The following ADGRL3 variants were observed in gnomAD, a reference collection of about 807,000 sequenced individuals.
ADGRL3 encodes the protein adhesion G protein-coupled receptor L3.
ADGRL3 carries 62 observed loss-of-function variants against 153.5 expected under a neutral mutation model. The ratio of observed to expected loss-of-function variants is 0.40; its 90% CI spans 0.33 to 0.50. The LOEUF (loss-of-function observed/expected upper bound fraction) is 0.50. ADGRL3 is among the 20% of genes least tolerant of loss of function. The probability of loss-of-function intolerance (pLI) is 0.47; values close to 1 mark genes in which losing one functional copy is unlikely to be tolerated. For missense variants in ADGRL3, 1,641 were observed against 1,859.4 expected, an observed-to-expected ratio of 0.88 and a Z score of 2.16; for synonymous variants, 710 against 672.5, an observed-to-expected ratio of 1.06 and a Z score of -0.86.
intron 8 of ADGRL3, among the ~76,000 whole-genome samples, chr4:61,756,624 C>G (rs1336062983): frequency 6.6e-6 from 1 of 152,070 alleles, no homozygotes; most frequent in African/African-American, 2.4e-5. Context: ...TTTCTCTTGC[C>G]TGATTGCCCT....
At chr4:61,390,872 C>T (rs1560562737) in intron 2 of ADGRL3, among the ~76,000 whole-genome samples, 1 of 152,132 alleles carries the variant, frequency 6.6e-6, no homozygotes, top group African/African-American at 2.4e-5. Flanking sequence ...GTCTGTTCTC[C>T]ATTCCTATGT....
At chr4:61,865,276 CTCTAAA>C (rs2098389145) in intron 9 of ADGRL3, among the ~76,000 whole-genome samples, 1 of 151,468 alleles carries the variant, frequency 6.6e-6, no homozygotes, top group African/African-American at 2.4e-5. Context: ...TAAAAAAATT[CTCTAAA>C]TCTAAGTAGT....
At chr4:61,326,386 C>T (rs73825111) in intron 1 of ADGRL3, among the ~76,000 whole-genome samples, 8,300 of 151,970 alleles carry the variant, frequency 0.055, 526 homozygotes, top group African/African-American at 0.15. Context: ...AGTTTATAAT[C>T]GTAACTGTTC....
intron 4 of ADGRL3, among the ~76,000 whole-genome samples, chr4:61,531,337 A>G (rs578169172): frequency 6.6e-6 from 1 of 152,254 alleles, no homozygotes; most frequent in Non-Finnish European, 1.5e-5. Context: ...AACAGGCTAA[A>G]GTTCACATTT....
rs2099054315 is a variant in ADGRL3 at position 61,978,112 on chromosome 4, C to CA, written c.2806-1449dup. Among the ~76,000 whole-genome samples, 3 of 152,074 alleles carry CA rather than the reference C, an allele frequency of 2.0e-5. No homozygotes were observed. The South Asian group carries it at 6.2e-4, about 31-fold the overall frequency. Reference sequence around the variant, plus strand: ...TAGTGTGGAAGCCAACTAAATGTGGCAACTTCCATCCTAAAACAAAAGTCA... The same window carrying CA: ...TAGTGTGGAAGCCAACTAAATGTGGCAAACTTCCATCCTAAAACAAAAGTCA... On this transcript the variant is annotated intron_variant, in intron 17 of 26. Coordinates refer to ENST00000683033, the MANE Select transcript of ADGRL3 (RefSeq NM_001387552.1).
Position 61,304,540 on chromosome 4 carries a change from T to C in ADGRL3, c.-239-78584T>C, listed in dbSNP as rs559593287. Among the ~76,000 whole-genome samples, 6 of 152,314 alleles carry C rather than the reference T, an allele frequency of 3.9e-5. No individual in the cohort carries two copies. In the South Asian group the frequency reaches 1.2e-3, roughly 32 times the overall value. ...CCTTTAACTGTGTGTGGAGGTTTTC[T>C]AGCAAAAGTATCCCTGTCATGTTTT... On this transcript the variant is annotated intron_variant, in intron 1 of 26. Transcript: ENST00000683033.
chr4:61,619,725 A>T (rs1412157894), intron 5 of ADGRL3, among the ~76,000 whole-genome samples: 1 of 152,240 alleles, frequency 6.6e-6, no homozygotes, highest in East Asian at 1.9e-4. Context: ...TGCCATTCAC[A>T]GCAGAGCCAC....
At chr4:61,512,582 A>G (rs548132358) in intron 3 of ADGRL3, among the ~76,000 whole-genome samples, 31 of 152,274 alleles carry the variant, frequency 2.0e-4, no homozygotes, top group African/African-American at 6.0e-4. Context: ...TCAATTAGGG[A>G]AGACAGCAAT....
chr4:61,743,377 T>C (rs1297081564), intron 8 of ADGRL3, among the ~76,000 whole-genome samples: 1 of 143,354 alleles, frequency 7.0e-6, no homozygotes, highest in Non-Finnish European at 1.5e-5. Flanking sequence ...CCAAAAAACA[T>C]ACAGGAGTAA....
At chr4:61,510,566 T>C (rs1043283400) in intron 3 of ADGRL3, among the ~76,000 whole-genome samples, 2 of 152,258 alleles carry the variant, frequency 1.3e-5, no homozygotes, top group African/African-American at 4.8e-5. Flanking sequence ...GATCAGATGG[T>C]TGTATGTGTG....
intron 1 of ADGRL3, among the ~76,000 whole-genome samples, chr4:61,304,187 TTCA>T (rs1227550712): frequency 4.6e-5 from 7 of 152,232 alleles, no homozygotes; most frequent in African/African-American, 1.7e-4. Flanking sequence ...AGGTAAAGAC[TTCA>T]TTGTGTGGAT....
intron 9 of ADGRL3, among the ~76,000 whole-genome samples, chr4:61,832,071 C>G (rs1057286107): frequency 6.6e-6 from 1 of 152,004 alleles, no homozygotes; most frequent in Admixed American, 6.6e-5. Flanking sequence ...TTTCTGCCCT[C>G]TAATGTTCAC....
intron 5 of ADGRL3, among the ~76,000 whole-genome samples, chr4:61,601,399 A>G (rs551846177): frequency 3.9e-5 from 6 of 152,276 alleles, no homozygotes; most frequent in Non-Finnish European, 5.9e-5. Context: ...AAAATATGTC[A>G]TTTCCTAATC....
intron 8 of ADGRL3, among the ~76,000 whole-genome samples, chr4:61,784,351 G>T (rs373689270): frequency 6.6e-6 from 1 of 151,946 alleles, no homozygotes; most frequent in Admixed American, 6.6e-5. Context: ...ATACAATTCC[G>T]AAATGTGAGA....
intron 5 of ADGRL3, among the ~76,000 whole-genome samples, chr4:61,588,700 T>C (rs2149370758): frequency 6.6e-6 from 1 of 152,132 alleles, no homozygotes; most frequent in East Asian, 1.9e-4. Context: ...GTCTCTATTA[T>C]CGTTACGTAT....
chr4:61,270,079 A>G (rs967599676), intron 1 of ADGRL3, among the ~76,000 whole-genome samples: 2 of 151,756 alleles, frequency 1.3e-5, no homozygotes, highest in Non-Finnish European at 3.0e-5. Context: ...TTATTAATAG[A>G]CATACTGATT....
At chr4:61,745,070 A>G (rs1466594452) in intron 8 of ADGRL3, among the ~76,000 whole-genome samples, 3 of 152,246 alleles carry the variant, frequency 2.0e-5, no homozygotes, top group Non-Finnish European at 4.4e-5. Flanking sequence ...TGAAGAATGC[A>G]GAAGCCTCAG....
intron 1 of ADGRL3, among the ~76,000 whole-genome samples, chr4:61,286,404 G>A (rs1231715043): frequency 1.3e-5 from 2 of 150,850 alleles, no homozygotes; most frequent in Non-Finnish European, 3.0e-5. Context: ...GCTGACATTA[G>A]CAGTGAAATT....
At chr4:61,362,295 A>G (rs946538153) in intron 1 of ADGRL3, among the ~76,000 whole-genome samples, 4 of 150,666 alleles carry the variant, frequency 2.7e-5, no homozygotes, top group Non-Finnish European at 5.9e-5. Flanking sequence ...GACTCATGGC[A>G]CCCTGCCTGA....
Sources: gnomAD v4.1 joint callset for allele counts (sites outside exome capture counted in the v4.1 genomes callset) on GRCh38, gnomAD v4.1.1 for gene constraint, MANE v1.5 for transcripts, NCBI Gene and HGNC (gene_info 2026-07-23, HGNC 2026-07-21) for gene names.